CD5: variants seen among roughly 807,000 people sequenced by gnomAD.
CD5 encodes T-cell surface glycoprotein CD5.
In CD5, 36 loss-of-function variants were observed where a neutral mutation model predicts 60.3. That is an observed-to-expected ratio of 0.60 (90% CI 0.46 to 0.79). The LOEUF is 0.79. Ranked by LOEUF, CD5 falls within the 30% of genes least tolerant of loss-of-function variation. The pLI, the probability that CD5 is intolerant of heterozygous loss-of-function variation, is 0.00. For synonymous variants in CD5, 230 were observed against 257.6 expected (o/e 0.89, Z 1.03); for missense variants, 540 against 630.6 (o/e 0.86, Z 1.54).
chr11:61,125,187 G>A (rs1400472870), intron 9 of CD5, 36 bp downstream of exon 9: 1 of 1,612,710 alleles, frequency 6.2e-7, no homozygotes, highest in African/African-American at 1.3e-5. Flanking sequence ...CACGCAGGCA[G>A]GGCTGCAGCA....
chr11:61,119,314 G>C lies in CD5; in HGVS notation c.544G>C (p.Gly182Arg). 6.2e-7 allele frequency: 1 copy of C among 1,613,976 alleles called. No homozygotes were observed. The highest frequency in any genetic ancestry group is 8.5e-7 in the Non-Finnish European group (1 of 1,180,032). ...GVVEFYSGSL[G>R]GTISYEAQDK... ...GGTGGAGTTCTACAGCGGCAGCCTGGGGGGTACCATCAGCTATGAGGCCCA... is the reference window on the plus strand; with the variant it reads ...GGTGGAGTTCTACAGCGGCAGCCTGCGGGGTACCATCAGCTATGAGGCCCA... Residue 182 changes from glycine to arginine, a missense_variant, in exon 5 of 11, where the codon GGG becomes CGG. Physicochemically the swap from Gly to Arg is moderately radical, Grantham distance 125. Coordinates refer to ENST00000347785, the MANE Select transcript of CD5 (RefSeq NM_014207.4).
rs866317847 is a variant in CD5 at position 61,102,941 on chromosome 11, G to A, written c.55+326G>A. Among the ~76,000 whole-genome samples, 6 of 152,320 alleles carry A rather than the reference G, an allele frequency of 3.9e-5. No homozygotes were observed. The Middle Eastern group carries it at 0.01, about 259-fold the overall frequency. On this transcript the variant is annotated intron_variant, in intron 1 of 10. Coordinates refer to ENST00000347785, the MANE Select transcript of CD5 (RefSeq NM_014207.4). The stretch of plus-strand genomic sequence containing the variant: ...ACAACTTGATTCCTAGGCTGAGTTG[G>A]ATTTTAGCAGAGCATTCAGGCCTCC...
rs748162258 is a variant in CD5, at chr11:61,118,331, T to C, written c.251T>C (p.Leu84Pro). Residue 84 changes from leucine (L) to proline (P), a missense_variant, in exon 3 of 11, where the codon CTG becomes CCG. Leu to Pro is a moderately conservative substitution (Grantham distance 98, BLOSUM62 -3). Transcript: ENST00000347785. The surrounding 1 kb of genome is among the most constrained non-coding windows in gnomAD (Gnocchi z 4.7). ...CAAGCGTCAAAAGTCTGCCAGCGGC[T>C]GAACTGTGGGGTGCCCTTAAGCCTT... ...PSQASKVCQR[L>P]NCGVPLSLGP... The C allele has an allele frequency of 6.2e-7, 1 of 1,614,238 alleles. No homozygotes were observed. Among genetic ancestry groups the C allele is most frequent in the African/African-American group, 1.3e-5 (1 of 75,056 alleles).
At chr11:61,119,004 G>T in intron 4 of CD5, 27 bp downstream of exon 4, 1 of 1,577,098 alleles carries the variant, frequency 6.3e-7, no homozygotes, top group East Asian at 2.2e-5. Context: ...CCCCCCACAG[G>T]GAGTCAGAGC....
chr11:61,111,324 C>T (rs535302350), intron 1 of CD5, among the ~76,000 whole-genome samples: 1 of 152,292 alleles, frequency 6.6e-6, no homozygotes, highest in Admixed American at 6.5e-5. Flanking sequence ...CTCCACCTGC[C>T]AGCCATATTA....
chr11:61,104,660 G>T (rs141219957), intron 1 of CD5, among the ~76,000 whole-genome samples: 2 of 152,228 alleles, frequency 1.3e-5, no homozygotes, highest in Non-Finnish European at 2.9e-5. Context: ...TGAGTGAGCC[G>T]GTGGGTACCA....
Position 61,121,653 on chromosome 11 carries a change from G to T in CD5, c.848G>T (p.Ser283Ile). The change falls in exon 6 of 11, where the codon AGC becomes ATC. Residue 283 changes from serine (S) to isoleucine (I), a missense_variant. Physicochemically the swap from Ser to Ile is moderately radical, Grantham distance 142 (BLOSUM62 -2). Coordinates refer to ENST00000347785, the MANE Select transcript of CD5 (RefSeq NM_014207.4). ...KVQSRLVGGS[S>I]ICEGTVEVRQ... ...CAGAGCCGTCTGGTGGGGGGCAGCAGCATCTGTGAAGGCACCGTGGAGGTG... is the reference window on the plus strand; with the variant it reads ...CAGAGCCGTCTGGTGGGGGGCAGCATCATCTGTGAAGGCACCGTGGAGGTG... 6.4e-7 allele frequency: 1 copy of T among 1,552,158 alleles called. No individual in the cohort carries two copies.
rs765990272 is a variant in CD5 at position 61,121,708 on chromosome 11, T to C, written c.903T>C (p.Cys301=). 2.1e-5 allele frequency: 34 copies of C among 1,608,370 alleles called. No homozygotes were observed. The Admixed American group carries it at 5.5e-4, about 26-fold the overall frequency. ...VRQGAQWAAL[C]DSSSARSSLR... ...AGGGGGCTCAGTGGGCAGCCCTGTG[T>C]GACAGCTCTTCAGCCAGGAGCTCGC... is the stretch of plus-strand genomic sequence containing the variant. The change falls in exon 6 of 11, where the codon TGT becomes TGC. Residue 301 remains cysteine, a synonymous_variant. Transcript: ENST00000347785.
intron 1 of CD5, among the ~76,000 whole-genome samples, chr11:61,109,881 G>GT (rs1860828499): frequency 6.6e-6 from 1 of 152,238 alleles, no homozygotes; most frequent in African/African-American, 2.4e-5. Context: ...CGTAGCCCCA[G>GT]TTGCTCGGGG....
At chr11:61,103,910 TGTG>T (rs1565182098) in intron 1 of CD5, among the ~76,000 whole-genome samples, 4 of 52,754 alleles carry the variant, frequency 7.6e-5, no homozygotes, top group South Asian at 6.6e-4. Context: ...GAGTACTGTG[TGTG>T]GGGGGGGAAT....
rs1182942677 is a variant in CD5, at chr11:61,119,498, G to C, written c.728G>C (p.Ser243Thr). 4 of 1,614,042 alleles carry C rather than the reference G, an allele frequency of 2.5e-6. No homozygotes were observed. Among genetic ancestry groups the C allele is most frequent in the Admixed American group, 3.3e-5 (2 of 60,014 alleles). ...LPIQWKIQNS[S>T]CTSLEHCFRK... ...ATCCAATGGAAGATCCAGAACTCAA[G>C]CTGTACCTCCCTGGAGCATTGCTTC... The change falls in exon 5 of 11, where the codon AGC (serine) becomes ACC (threonine). Residue 243 changes from serine to threonine, a missense_variant. Coordinates refer to ENST00000347785, the MANE Select transcript of CD5 (RefSeq NM_014207.4).
rs111605706 is a variant in CD5, at chr11:61,105,306, C to T, written c.55+2691C>T. Among the ~76,000 whole-genome samples the T allele has an allele frequency of 3.7e-3, 565 of 152,328 alleles. 4 individuals are homozygous for T. Among genetic ancestry groups the T allele is most frequent in the Middle Eastern group, 0.014 (4 of 294 alleles). On this transcript the variant is annotated intron_variant, in intron 1 of 10. Transcript: ENST00000347785. ...GGCCTAGCCGATGCGACTCTGAAAG[C>T]CAGCACTGGGACGTGGGAAAGTCAT...
upstream of CD5, among the ~76,000 whole-genome samples, chr11:61,099,269 G>T (rs1406711550): frequency 1.3e-5 from 2 of 151,046 alleles, no homozygotes; most frequent in African/African-American, 2.4e-5. Flanking sequence ...TATCGAATGG[G>T]GATTACACAC....
intron 1 of CD5, among the ~76,000 whole-genome samples, chr11:61,108,088 G>C (rs1860801707): frequency 1.3e-5 from 2 of 152,204 alleles, no homozygotes; most frequent in South Asian, 4.1e-4. Flanking sequence ...TCGGTTTCCT[G>C]ATCTGAAAAT....
At chr11:61,102,695 C>A in intron 1 of CD5, 80 bp downstream of exon 1, 3 of 1,243,674 alleles carry the variant, frequency 2.4e-6, no homozygotes, top group Non-Finnish European at 2.3e-6. Flanking sequence ...TTACCCAAGG[C>A]TGACTCTGGG....
chr11:61,125,432 T>C (rs537464483), intron 9 of CD5, among the ~76,000 whole-genome samples: 2 of 152,348 alleles, frequency 1.3e-5, no homozygotes, highest in East Asian at 3.9e-4. Flanking sequence ...AATGGGCCTG[T>C]TTCCCTTCAG....
At chr11:61,095,331 AC>A in the CD5 span, among the ~76,000 whole-genome samples, 1 of 152,176 alleles carries the variant, frequency 6.6e-6, no homozygotes, top group Admixed American at 6.5e-5. Context: ...GCAGTGATAT[AC>A]TGGGGTAGAT....
upstream of CD5, among the ~76,000 whole-genome samples, chr11:61,099,739 A>C (rs1860634325): frequency 6.6e-6 from 1 of 151,910 alleles, no homozygotes; most frequent in Non-Finnish European, 1.5e-5. Context: ...ACATTCACAC[A>C]CATCTACATG....
At chr11:61,123,820 CCTGCCTG>C in intron 7 of CD5, 57 bp from the exon 8 acceptor site, 1 of 639,318 alleles carries the variant, frequency 1.6e-6, no homozygotes. Context: ...CATCCCCACC[CCTGCCTG>C]CCCCCACCCA....
Sources: gnomAD v4.1 joint callset for allele counts (sites outside exome capture counted in the v4.1 genomes callset) on GRCh38, gnomAD v4.1.1 for gene constraint, Gnocchi (gnomAD v3.1) non-coding constraint, MANE v1.5 for transcripts, NCBI Gene and HGNC (gene_info 2026-07-23, HGNC 2026-07-21) for gene names.